The following PRRG1 variants were observed in gnomAD, a reference collection of about 807,000 sequenced individuals.
The protein encoded by PRRG1 is transmembrane gamma-carboxyglutamic acid protein 1.
PRRG1 carries 5 observed loss-of-function variants against 11.8 expected under a neutral mutation model. The observed-to-expected ratio is 0.42, with a 90% confidence interval of 0.22 to 0.89. The LOEUF is 0.89. PRRG1 is among the 40% of genes least tolerant of loss of function. The probability of loss-of-function intolerance (pLI) is 0.28; values close to 1 mark genes in which losing one functional copy is unlikely to be tolerated. For missense variants in PRRG1, 155 were observed against 166.1 expected (o/e 0.93, Z 0.37); for synonymous variants, 66 against 60.4 (o/e 1.09, Z -0.43).
chrX:37,370,790 G>A (rs1301050164), intron 1 of PRRG1, among the ~76,000 whole-genome samples: 1 of 111,938 alleles, frequency 8.9e-6, no homozygotes, highest in Non-Finnish European at 1.9e-5. Context: ...CCTGCTGCCT[G>A]GCCTTTCCCC....
chrX:37,361,070 C>T (rs781844430), intron 1 of PRRG1, among the ~76,000 whole-genome samples: 7 of 112,368 alleles, frequency 6.2e-5, no homozygotes, highest in Non-Finnish European at 9.4e-5. Context: ...AGGCCGGGTG[C>T]GGTGGCTCAC....
intron 1 of PRRG1, among the ~76,000 whole-genome samples, chrX:37,350,960 G>A (rs1930041104): frequency 9.0e-6 from 1 of 110,822 alleles, no homozygotes; most frequent in South Asian, 3.9e-4. Flanking sequence ...TCTAGTGCCT[G>A]ATGAACTCCT....
At chrX:37,406,541 C>T (rs1455679180) in intron 2 of PRRG1, among the ~76,000 whole-genome samples, 1 of 109,145 alleles carries the variant, frequency 9.2e-6, no homozygotes, top group Non-Finnish European at 1.9e-5. Flanking sequence ...ATATATATAA[C>T]TCACAGATAC....
At chrX:37,401,164 G>T (rs1356631573) in intron 1 of PRRG1, among the ~76,000 whole-genome samples, 24 of 110,274 alleles carry the variant, frequency 2.2e-4, no homozygotes, top group African/African-American at 6.0e-4. Context: ...TACCAAAGCC[G>T]GGCAGAGACA....
chrX:37,448,374 C>T (rs782669549), intron 3 of PRRG1, among the ~76,000 whole-genome samples: 7 of 111,372 alleles, frequency 6.3e-5, no homozygotes, highest in Non-Finnish European at 1.1e-4. Context: ...GAAGACTTGT[C>T]CTGCAACCAA....
intron 1 of PRRG1, among the ~76,000 whole-genome samples, chrX:37,390,951 A>T (rs1366888378): frequency 1.8e-5 from 2 of 112,540 alleles, no homozygotes; most frequent in Non-Finnish European, 3.8e-5. Context: ...ACATAGCCCC[A>T]GGAATGATTC....
chrX:37,351,494 C>CAA (rs1302945653), intron 1 of PRRG1, among the ~76,000 whole-genome samples: 12 of 50,429 alleles, frequency 2.4e-4, no homozygotes, highest in African/African-American at 6.7e-4. Flanking sequence ...GACTCCGTCT[C>CAA]AAAAAAAAAA....
intron 1 of PRRG1, among the ~76,000 whole-genome samples, chrX:37,405,427 C>A (rs975725735): frequency 9.0e-6 from 1 of 111,476 alleles, no homozygotes; most frequent in Non-Finnish European, 1.9e-5. Context: ...ACCTTTCAGG[C>A]GCTTAGTTTC....
intron 3 of PRRG1, among the ~76,000 whole-genome samples, chrX:37,438,424 T>A (rs1426067333): frequency 2.4e-4 from 26 of 106,648 alleles, no homozygotes; most frequent in African/African-American, 9.0e-4. Flanking sequence ...AAAGCAGAAT[T>A]TTTTCCTTTT....
chrX:37,423,549 T>G (rs1027811303), intron 2 of PRRG1, among the ~76,000 whole-genome samples: 12 of 110,414 alleles, frequency 1.1e-4, no homozygotes, highest in African/African-American at 2.0e-4. Context: ...ATTTTAATTT[T>G]TTTGAGATGA....
At position 37,439,077 on chromosome X, in the gene PRRG1, C is replaced by T. The variant is rs1048577499; in HGVS notation, c.171+13077C>T. Among the ~76,000 whole-genome samples the T allele has an allele frequency of 9.8e-5, 11 of 111,718 alleles. No individual in the cohort carries two copies. In the South Asian group the frequency reaches 1.1e-3, roughly 12 times the overall value. On this transcript the variant is annotated intron_variant, in intron 3 of 3. Transcript: ENST00000378628. ...AAAGGAATTGCAAAAGAATTTGTAACTTTGCCATAGCCCTATGTTGTTAGC... is the reference window on the plus strand; with the variant it reads ...AAAGGAATTGCAAAAGAATTTGTAATTTTGCCATAGCCCTATGTTGTTAGC...
intron 3 of PRRG1, among the ~76,000 whole-genome samples, chrX:37,432,232 C>T (rs887720685): frequency 1.7e-4 from 19 of 110,338 alleles, no homozygotes; most frequent in Non-Finnish European, 2.8e-4. Context: ...GGACTACAGA[C>T]GCCTGCCACC....
At chrX:37,449,414 G>A (rs1421303844) in intron 3 of PRRG1, among the ~76,000 whole-genome samples, 1 of 112,348 alleles carries the variant, frequency 8.9e-6, no homozygotes, top group Non-Finnish European at 1.9e-5. Context: ...TTGAGGTCAG[G>A]CCTTGAGTCA....
intron 1 of PRRG1, among the ~76,000 whole-genome samples, chrX:37,357,170 C>T (rs1182315479): frequency 9.0e-6 from 1 of 111,202 alleles, no homozygotes; most frequent in Non-Finnish European, 1.9e-5. Flanking sequence ...AAGTATGCGG[C>T]TTTTTCATAT....
At chrX:37,446,438 A>G (rs1933076757) in intron 3 of PRRG1, among the ~76,000 whole-genome samples, 1 of 111,933 alleles carries the variant, frequency 8.9e-6, no homozygotes, top group African/African-American at 3.2e-5. Context: ...TTGACTTCCC[A>G]GAAATAATGC....
chrX:37,400,798 G>A (rs1931944519), intron 1 of PRRG1, among the ~76,000 whole-genome samples: 1 of 111,258 alleles, frequency 9.0e-6, no homozygotes, highest in Admixed American at 9.5e-5. Context: ...ATGATAAAGG[G>A]AATATCACCA....
intron 3 of PRRG1, among the ~76,000 whole-genome samples, chrX:37,435,089 A>G (rs561082290): frequency 9.0e-6 from 1 of 111,020 alleles, no homozygotes; most frequent in Admixed American, 9.6e-5. Context: ...TTCTGGGGAC[A>G]TGGCTCATTA....
At chrX:37,356,394 A>C (rs1330983576) in intron 1 of PRRG1, among the ~76,000 whole-genome samples, 10 of 111,673 alleles carry the variant, frequency 9.0e-5, no homozygotes, top group South Asian at 3.8e-4. Flanking sequence ...AAGCACAGGG[A>C]ACAGCAGTTG....
At chrX:37,359,918 G>A (rs1470054859) in intron 1 of PRRG1, among the ~76,000 whole-genome samples, 1 of 111,617 alleles carries the variant, frequency 9.0e-6, no homozygotes, top group East Asian at 2.8e-4. Context: ...ATTTCATCTA[G>A]CTTATCAAAT....
Sources: allele counts gnomAD v4.1 joint callset (sites outside exome capture counted in the v4.1 genomes callset), GRCh38; gene constraint gnomAD v4.1.1; transcripts MANE v1.5; gene names NCBI Gene and HGNC (gene_info 2026-07-23, HGNC 2026-07-21).